SEPTIN14: variants seen among roughly 807,000 people sequenced by gnomAD.
SEPTIN14 encodes the protein septin-14.
A neutral mutation model predicts 53.6 loss-of-function variants in SEPTIN14; 40 were observed. That is an observed-to-expected ratio of 0.75 (90% confidence interval 0.58 to 0.97). The LOEUF is 0.97. SEPTIN14 is among the 50% of genes least tolerant of loss of function. SEPTIN14 has a pLI of 0.00. For missense variants in SEPTIN14, 471 were observed against 508.2 expected, an observed-to-expected ratio of 0.93 and a Z score of 0.70; for synonymous variants, 138 against 166.8, an observed-to-expected ratio of 0.83 and a Z score of 1.33.
At chr7:55,833,133 G>A (rs921406234) in intron 6 of SEPTIN14, among the ~76,000 whole-genome samples, 4 of 151,894 alleles carry the variant, frequency 2.6e-5, no homozygotes, top group African/African-American at 9.7e-5. Context: ...GGCTAACATG[G>A]TGAAACCCCA....
chr7:55,816,842 C>T lies in SEPTIN14; in HGVS notation c.817+2285G>A, dbSNP rs190110947. On this transcript the variant is annotated intron_variant, in intron 7 of 9. Transcript: ENST00000388975. ...ACAACAAGCTGTAACTTCACCCATGCTAAAATGGCTATTATCAATAAGACA... is the reference window on the plus strand; with the variant it reads ...ACAACAAGCTGTAACTTCACCCATGTTAAAATGGCTATTATCAATAAGACA... 1.4e-3 allele frequency among the ~76,000 whole-genome samples: 211 copies of T among 152,002 alleles called. 1 individual carries two copies. The highest frequency in any genetic ancestry group is 4.8e-3 in the African/African-American group (198 of 41,452).
At chr7:55,846,357 CA>C (rs1048324789) in intron 3 of SEPTIN14, among the ~76,000 whole-genome samples, 159 bp downstream of exon 3, 1 of 151,184 alleles carries the variant, frequency 6.6e-6, no homozygotes, top group African/African-American at 2.4e-5. Context: ...GAACCTGTCT[CA>C]AAAAATAAAA....
chr7:55,796,155 T>C, intron 9 of SEPTIN14, 63 bp from the exon 10 acceptor site: 4 of 1,063,838 alleles, frequency 3.8e-6, no homozygotes, highest in Non-Finnish European at 5.6e-6. Flanking sequence ...CAAAAGAATA[T>C]GCTTTTTTCT....
intron 6 of SEPTIN14, 65 bp from the exon 7 acceptor site, chr7:55,819,288 A>C: frequency 6.9e-6 from 8 of 1,164,078 alleles, no homozygotes; most frequent in Non-Finnish European, 8.7e-6. Context: ...TATTACTCTC[A>C]TTCCTGTTAT....
chr7:55,862,712 C>A lies in SEPTIN14; in HGVS notation c.-40G>T, dbSNP rs1789771425. On this transcript the variant is annotated 5_prime_UTR_variant, in exon 1 of 10. Coordinates refer to ENST00000388975, the MANE Select transcript of SEPTIN14 (RefSeq NM_207366.3). The stretch of plus-strand genomic sequence containing the variant: ...CTTTCCCAGGGATTCAGCTGTGCAG[C>A]AGACACAGGTCCGAACTGATTCCAA... The A allele has an allele frequency of 6.6e-6, 1 of 152,138 alleles. No individual in the cohort carries two copies. The allele number at this position is 152,138 out of a possible 1,614,324, so 9.4% of individuals were successfully genotyped here.
At chr7:55,830,341 ATATATATATT>A (rs1236146387) in intron 6 of SEPTIN14, among the ~76,000 whole-genome samples, 820 of 32,272 alleles carry the variant, frequency 0.025, 27 homozygotes, top group East Asian at 0.18. Flanking sequence ...ATATATATAT[ATATATATATT>A]TTTTTTTTTT....
At chr7:55,851,222 G>A (rs1445637849) in intron 2 of SEPTIN14, among the ~76,000 whole-genome samples, 1 of 152,134 alleles carries the variant, frequency 6.6e-6, no homozygotes, top group Non-Finnish European at 1.5e-5. Flanking sequence ...TTTAACAAAT[G>A]TGTATAGTAA....
In SEPTIN14 at chr7:55,796,009, T is replaced by A. The variant is rs1788426899; in HGVS notation, c.1203A>T (p.Gly401=). ...KLEEEKKQLE[G]EIIDFYKMKA... is the part of the protein sequence containing the mutation. Reference sequence around the variant, plus strand: ...TCATTTTATAAAAATCTATGATTTCTCCTTCCAGTTGTTTTTTCTCTTCCT... The same window carrying A: ...TCATTTTATAAAAATCTATGATTTCACCTTCCAGTTGTTTTTTCTCTTCCT... The change falls in exon 10 of 10, where the codon GGA becomes GGT. Residue 401 remains glycine, a synonymous_variant. Transcript: ENST00000388975. The A allele has an allele frequency of 6.4e-7, 1 of 1,562,338 alleles. No individual in the cohort carries two copies. The highest frequency in any genetic ancestry group is 1.4e-5 in the African/African-American group (1 of 74,064).
chr7:55,835,891 C>T (rs531484347), intron 5 of SEPTIN14, among the ~76,000 whole-genome samples: 3 of 152,038 alleles, frequency 2.0e-5, no homozygotes, highest in South Asian at 2.1e-4. Context: ...TACAGGTGCC[C>T]GCCACCATAC....
chr7:55,845,099 G>T (rs1251756455), intron 3 of SEPTIN14, among the ~76,000 whole-genome samples: 5 of 152,056 alleles, frequency 3.3e-5, no homozygotes, highest in Admixed American at 2.6e-4. Flanking sequence ...AGACACCAGT[G>T]TCTGTTATTC....
chr7:55,818,125 G>A (rs1203904419), intron 7 of SEPTIN14, among the ~76,000 whole-genome samples: 6 of 151,972 alleles, frequency 3.9e-5, no homozygotes, highest in Non-Finnish European at 5.9e-5. Flanking sequence ...AAAACATTAA[G>A]TTTTAAGTAT....
chr7:55,816,622 C>T (rs1325538311), intron 7 of SEPTIN14, among the ~76,000 whole-genome samples: 1 of 151,362 alleles, frequency 6.6e-6, no homozygotes, highest in Non-Finnish European at 1.5e-5. Flanking sequence ...CAAGCCAAAA[C>T]CCTGTCTCTA....
At chr7:55,819,585 C>T (rs901532775) in intron 6 of SEPTIN14, among the ~76,000 whole-genome samples, 9 of 151,734 alleles carry the variant, frequency 5.9e-5, no homozygotes, top group African/African-American at 2.2e-4. Flanking sequence ...CAAGACTCCG[C>T]CACACACACA....
chr7:55,802,396 G>A (rs1189479971), intron 9 of SEPTIN14, among the ~76,000 whole-genome samples: 1 of 152,084 alleles, frequency 6.6e-6, no homozygotes, highest in African/African-American at 2.4e-5. Flanking sequence ...AAAATTATAG[G>A]CCAACATTTG....
At chr7:55,801,765 CA>C (rs1226997176) in intron 9 of SEPTIN14, among the ~76,000 whole-genome samples, 1 of 151,488 alleles carries the variant, frequency 6.6e-6, no homozygotes, top group Admixed American at 6.6e-5. Flanking sequence ...ACTAAAAGTA[CA>C]AAAAAATAGC....
At chr7:55,829,820 CAAAAAAAAAA>C (rs35998043) in intron 6 of SEPTIN14, among the ~76,000 whole-genome samples, 4 of 37,610 alleles carry the variant, frequency 1.1e-4, no homozygotes, top group Admixed American at 9.6e-4. Flanking sequence ...GACTCCATCT[CAAAAAAAAAA>C]AAAAAAAAAA....
intron 7 of SEPTIN14, among the ~76,000 whole-genome samples, chr7:55,816,536 C>G (rs1351984321): frequency 6.6e-6 from 1 of 151,886 alleles, no homozygotes; most frequent in Non-Finnish European, 1.5e-5. Flanking sequence ...GTGGCTCATG[C>G]CTGTAATCCT....
At chr7:55,860,839 T>A (rs901598850) in intron 2 of SEPTIN14, among the ~76,000 whole-genome samples, 2 of 152,050 alleles carry the variant, frequency 1.3e-5, no homozygotes, top group African/African-American at 4.8e-5. Flanking sequence ...AAGCAGAGAG[T>A]AAGCCCCCAC....
intron 6 of SEPTIN14, among the ~76,000 whole-genome samples, chr7:55,829,126 C>G (rs1247109232): frequency 2.0e-5 from 3 of 151,128 alleles, no homozygotes; most frequent in Non-Finnish European, 4.4e-5. Context: ...CGCCTATAAT[C>G]CTAGCACTTT....
Sources: allele counts gnomAD v4.1 joint callset (sites outside exome capture counted in the v4.1 genomes callset), GRCh38; gene constraint gnomAD v4.1.1; transcripts MANE v1.5; gene names NCBI Gene and HGNC (gene_info 2026-07-23, HGNC 2026-07-21).